Variants in OTOF observed in about 807,000 individuals in gnomAD.
OTOF encodes the protein fer-1-like family member 2.
A neutral mutation model predicts 236.8 loss-of-function variants in OTOF; 218 were observed. That is an observed-to-expected ratio of 0.92 (90% CI 0.82 to 1.03). The LOEUF is 1.03. Among genes scored for constraint, OTOF ranks in the 50% least tolerant of loss-of-function variants. The pLI, the probability that OTOF is intolerant of heterozygous loss-of-function variation, is 0.00. For missense variants in OTOF, 2,590 were observed against 2,694.4 expected (o/e 0.96, Z 0.86); for synonymous variants, 1,041 against 1,072.5 (o/e 0.97, Z 0.57).
At chr2:26,466,961 C>G in intron 35 of OTOF, 110 bp from the exon 36 acceptor site, 1 of 1,567,392 alleles carries the variant, frequency 6.4e-7, no homozygotes, top group South Asian at 1.1e-5. Flanking sequence ...GGCCTTCACC[C>G]TTTAACTGCT....
chr2:26,513,509 C>T (rs764445989), intron 5 of OTOF, among the ~76,000 whole-genome samples: 3 of 152,168 alleles, frequency 2.0e-5, no homozygotes, highest in Non-Finnish European at 4.4e-5. Context: ...TCCCCGCAGC[C>T]CCCAGCAGGC....
chr2:26,457,980 C>A lies in OTOF; in HGVS notation c.*258G>T. 10 of 1,531,572 alleles carry A rather than the reference C, an allele frequency of 6.5e-6. No individual in the cohort carries two copies. Among genetic ancestry groups the A allele is most frequent in the Non-Finnish European group, 8.9e-6 (10 of 1,118,158 alleles). 94.9% of individuals were successfully genotyped at this position (1,531,572 alleles called of 1,614,324 possible). On this transcript the variant is annotated 3_prime_UTR_variant, in exon 47 of 47. Coordinates refer to ENST00000272371, the MANE Select transcript of OTOF (RefSeq NM_194248.3). The surrounding 1 kb of genome is among the most constrained non-coding windows in gnomAD (Gnocchi z 4.4). The stretch of plus-strand genomic sequence containing the variant: ...CTCCCCAGGGGAGATGGGAAAGAGT[C>A]CAAGCCACTGAAAGGAAATGCGGCA...
intron 7 of OTOF, among the ~76,000 whole-genome samples, 183 bp from the exon 8 acceptor site, chr2:26,501,991 C>G (rs1666125424): frequency 6.6e-6 from 1 of 152,112 alleles, no homozygotes. Flanking sequence ...GAGAACTAAT[C>G]AAAGGCAGAA....
rs573354216 is a variant in OTOF at position 26,482,559 on chromosome 2, G to A, written c.1426C>T (p.Pro476Ser). The change falls in exon 14 of 47, where the codon CCC becomes TCC. Residue 476 changes from proline (P) to serine (S), a missense_variant. Coordinates refer to ENST00000272371, the MANE Select transcript of OTOF (RefSeq NM_194248.3). Reference sequence around the variant, plus strand: ...AAGACGACCTGCTCATTCCACAGGGGCTCATAGCTGCTCTTCTGCACTGAA... The same window carrying A: ...AAGACGACCTGCTCATTCCACAGGGACTCATAGCTGCTCTTCTGCACTGAA... The part of the protein sequence containing the change: ...KTSVQKSSYE[P>S]LWNEQVVFTD... 1.2e-6 allele frequency: 2 copies of A among 1,613,358 alleles called. No individual in the cohort carries two copies. Among genetic ancestry groups the A allele is most frequent in the South Asian group, 1.1e-5 (1 of 91,082 alleles).
intron 9 of OTOF, among the ~76,000 whole-genome samples, chr2:26,492,187 C>T (rs920980241): frequency 1.8e-4 from 28 of 152,176 alleles, no homozygotes; most frequent in Admixed American, 1.6e-3. Flanking sequence ...CAACTGAGGG[C>T]GATTTCAGGG....
At chr2:26,551,243 G>A (rs528254983) in intron 1 of OTOF, among the ~76,000 whole-genome samples, 10 of 152,306 alleles carry the variant, frequency 6.6e-5, no homozygotes, top group African/African-American at 1.7e-4. Context: ...CCCCCGCCTT[G>A]GCCTCCCAAA....
chr2:26,511,371 G>GC (rs1283175488), intron 5 of OTOF, among the ~76,000 whole-genome samples: 5 of 152,154 alleles, frequency 3.3e-5, no homozygotes, highest in African/African-American at 1.2e-4. Context: ...GGGAAAAACG[G>GC]CCCCCCTATC....
At position 26,474,556 on chromosome 2, in the gene OTOF, T is replaced by C. The variant is rs752225503; in HGVS notation, c.3245A>G (p.Asn1082Ser). ...QLEYYQIYRG[N>S]ATAGDLLAAF... is the part of the protein sequence containing the mutation. ...CGCCAGCAGGTCTCCAGCTGTGGCGTTGCCACGGTAGATCTGGTAGTACTC... is the reference window on the plus strand; with the variant it reads ...CGCCAGCAGGTCTCCAGCTGTGGCGCTGCCACGGTAGATCTGGTAGTACTC... Residue 1082 changes from asparagine (N) to serine (S), a missense_variant, in exon 26 of 47, where the codon AAC becomes AGC. Asn to Ser is a conservative substitution (Grantham distance 46). Around this residue, in one of 2 missense-constraint regions of OTOF, gnomAD observed 1,211 missense variants for 1,352.8 expected, o/e 0.90. Coordinates refer to ENST00000272371, the MANE Select transcript of OTOF (RefSeq NM_194248.3). The C allele has an allele frequency of 6.2e-7, 1 of 1,613,024 alleles. No individual in the cohort carries two copies. The highest frequency in any genetic ancestry group is 2.2e-5 in the East Asian group (1 of 44,882).
rs555566878 is a variant in OTOF, at chr2:26,475,357, A to G, written c.3126+2T>C. The G allele has an allele frequency of 1.2e-6, 2 of 1,612,852 alleles. No individual in the cohort carries two copies. Among genetic ancestry groups the G allele is most frequent in the Non-Finnish European group, 1.7e-6 (2 of 1,179,920 alleles). On this transcript the variant is annotated splice_donor_variant, in intron 25 of 46. Coordinates refer to ENST00000272371, the MANE Select transcript of OTOF (RefSeq NM_194248.3). LOFTEE classifies it high-confidence loss of function. ...GTCCCTGGCACCAGAGCCCACCCAT[A>G]CCATGGAATCCTGGTCATAGATTTC...
chr2:26,489,794 A>AACACTGCCTG, intron 9 of OTOF, 54 bp from the exon 10 acceptor site: 1 of 1,410,048 alleles, frequency 7.1e-7, no homozygotes, highest in Non-Finnish European at 1.0e-6. Context: ...GCAACAGCCC[A>AACACTGCCTG]GGCAGTGTTG....
rs1248657689 is a variant in OTOF, at chr2:26,469,274, G to A, written c.4024-800C>T. 2.0e-5 allele frequency among the ~76,000 whole-genome samples: 3 copies of A among 152,240 alleles called. No homozygotes were observed. In the East Asian group the frequency reaches 5.8e-4, roughly 29 times the overall value. Reference sequence around the variant, plus strand: ...AAACTAGAAACCAGGTTTCAACTAAGTCGCCACCGCCACCTGGTGGCAGTC... The same window carrying A: ...AAACTAGAAACCAGGTTTCAACTAAATCGCCACCGCCACCTGGTGGCAGTC... On this transcript the variant is annotated intron_variant, in intron 32 of 46. Transcript: ENST00000272371.
Position 26,457,663 on chromosome 2 carries a change from G to C in OTOF, c.*575C>G, listed in dbSNP as rs1664252209. On this transcript the variant is annotated 3_prime_UTR_variant, in exon 47 of 47. Transcript: ENST00000272371. This position sits in a 1 kb window ranked among gnomAD's most constrained non-coding sequence, Gnocchi z 4.4. ...TTTAAAGCCCTGGGCACTGACCCAT[G>C]GTCCTTGGTTAATTTCACTAAAGCT... The C allele has an allele frequency of 1.7e-5, 4 of 231,664 alleles. No individual in the cohort carries two copies. Among genetic ancestry groups the C allele is most frequent in the Non-Finnish European group, 3.4e-5 (4 of 116,998 alleles). The allele number at this position is 231,664 out of a possible 1,614,324, so 14.4% of individuals were successfully genotyped here. A position where few individuals can be genotyped will look rare whatever the true frequency, so the allele number is the denominator to read the frequency against.
intron 1 of OTOF, among the ~76,000 whole-genome samples, chr2:26,539,161 A>G (rs562122843): frequency 1.4e-4 from 22 of 152,260 alleles, no homozygotes; most frequent in Non-Finnish European, 2.4e-4. Context: ...ATTTCGCACA[A>G]GAAACAGTAA....
In OTOF at chr2:26,467,200, T is replaced by C. The variant is rs770945533; in HGVS notation, c.4261A>G (p.Asn1421Asp). ...AAAGTGTGCAGCCAGTCCTCAAAGT[T>C]ATCAAACTCGGACTCCAGCTCTTTG... is the stretch of plus-strand genomic sequence containing the variant. ...YPKELESEFDNFEDWLHTFNL... is the reference protein window; with the variant it reads ...YPKELESEFDDFEDWLHTFNL... Residue 1421 changes from asparagine to aspartate, a missense_variant, in exon 35 of 47, where the codon AAC (asparagine) becomes GAC (aspartate). Asn to Asp is a conservative substitution (Grantham distance 23, BLOSUM62 1). This residue lies in a region of OTOF where 1,211 missense variants were observed against 1,352.8 expected (regional missense o/e 0.90). Coordinates refer to ENST00000272371, the MANE Select transcript of OTOF (RefSeq NM_194248.3). 1 of 1,614,088 alleles carries C rather than the reference T, an allele frequency of 6.2e-7. No individual in the cohort carries two copies. Among genetic ancestry groups the C allele is most frequent in the South Asian group, 1.1e-5 (1 of 91,076 alleles).
rs951912096 is a variant in OTOF at position 26,489,554 on chromosome 2, C to T, written c.960+124G>A. The T allele has an allele frequency of 2.8e-5, 23 of 829,940 alleles. 1 individual carries two copies. Among genetic ancestry groups the T allele is most frequent in the Admixed American group, 1.2e-4 (6 of 50,918 alleles). 51.4% of individuals were successfully genotyped at this position (829,940 alleles called of 1,614,324 possible). On this transcript the variant is annotated intron_variant, in intron 10 of 46. Coordinates refer to ENST00000272371, the MANE Select transcript of OTOF (RefSeq NM_194248.3). ...TCCAGCCTGTCCCTACTTGCCCAGC[C>T]GTGTGTCCAGGCACGGCGCTGCCTC... is the stretch of plus-strand genomic sequence containing the variant.
At chr2:26,510,667 G>A (rs1384273792) in intron 5 of OTOF, 3 of 1,256,972 alleles carry the variant, frequency 2.4e-6, no homozygotes, top group Non-Finnish European at 2.1e-6. Context: ...TGTCTCCCCA[G>A]AGACGCTGTT....
chr2:26,484,451 G>A (rs1665650955), intron 12 of OTOF, 23 bp downstream of exon 12: 2 of 1,613,642 alleles, frequency 1.2e-6, no homozygotes, highest in East Asian at 2.2e-5. Flanking sequence ...CAGACTCCAG[G>A]GGCTGGGGTA....
rs145556189 is a variant in OTOF at position 26,466,025 on chromosome 2, C to A, written c.4552G>T (p.Ala1518Ser). 6.2e-7 allele frequency: 1 copy of A among 1,614,150 alleles called. No individual in the cohort carries two copies. Among genetic ancestry groups the A allele is most frequent in the Non-Finnish European group, 8.5e-7 (1 of 1,180,032 alleles). ...ATGTCAGTCTTGCCTAGCCGGATGG[C>A]GATGTAGGGGTCAGCTTTGCCGTTG... ...DINGKADPYI[A>S]IRLGKTDIRD... The change falls in exon 37 of 47, where the codon GCC becomes TCC. Residue 1518 changes from alanine to serine, a missense_variant. By Grantham distance (99) the Ala-to-Ser change is moderately conservative. Transcript: ENST00000272371.
chr2:26,483,989 C>A (rs1417301270), intron 12 of OTOF, among the ~76,000 whole-genome samples: 1 of 152,232 alleles, frequency 6.6e-6, no homozygotes, highest in Non-Finnish European at 1.5e-5. Flanking sequence ...TAGTTTTGTG[C>A]CGTATCTTTT....
Sources: allele counts gnomAD v4.1 joint callset (sites outside exome capture counted in the v4.1 genomes callset), GRCh38; gene constraint gnomAD v4.1.1; regional missense constraint gnomAD v4.1.1; non-coding constraint Gnocchi (gnomAD v3.1); transcripts MANE v1.5; gene names NCBI Gene and HGNC (gene_info 2026-07-23, HGNC 2026-07-21).